The following FAAP20 variants were observed in gnomAD, a reference collection of about 807,000 sequenced individuals.
FAAP20 encodes FA core complex associated protein 20.
A neutral mutation model predicts 16.2 loss-of-function variants in FAAP20; 12 were observed. That is an observed-to-expected ratio of 0.74 (90% CI 0.48 to 1.20). FAAP20 has a LOEUF of 1.20. Among genes scored for constraint, FAAP20 ranks in the 50% most tolerant of loss-of-function variants. FAAP20 has a pLI of 0.00. For missense variants in FAAP20, 288 were observed against 245.8 expected, an observed-to-expected ratio of 1.17 and a Z score of -1.15; for synonymous variants, 141 against 110.7, an observed-to-expected ratio of 1.27 and a Z score of -1.72.
downstream of FAAP20, chr1:2,184,798 C>T (rs1687315960): frequency 1.4e-6 from 2 of 1,391,784 alleles, no homozygotes; most frequent in Admixed American, 2.0e-5. Flanking sequence ...CCTTGAGTCC[C>T]ACCCGCCTGG....
chr1:2,184,717 G>A (rs775528318), downstream of FAAP20: 42 of 1,602,662 alleles, frequency 2.6e-5, no homozygotes, highest in East Asian at 6.3e-4. Flanking sequence ...CACTGGGTGC[G>A]GGTCCCTGGA....
At chr1:2,184,714 T>C (rs776200970), downstream of FAAP20, 7 of 1,605,800 alleles carry the variant, frequency 4.4e-6, no homozygotes, top group African/African-American at 5.4e-5. Flanking sequence ...TCCCACTGGG[T>C]GCGGGTCCCT....
upstream of FAAP20, chr1:2,212,688 C>T (rs752342375): frequency 2.1e-5 from 6 of 288,956 alleles, no homozygotes; most frequent in South Asian, 8.8e-5. Flanking sequence ...GTTCCAAGAA[C>T]GCGAGTCTCT....
upstream of FAAP20, chr1:2,201,372 C>T (rs375107829): frequency 3.6e-4 from 179 of 500,704 alleles, no homozygotes; most frequent in African/African-American, 3.5e-3. Context: ...AAGAAGGCAC[C>T]GCCGGGGGCT....
Position 2,193,718 on chromosome 1 carries a change from TG to T in FAAP20, c.390del (p.Arg131GlyfsTer28). The T allele has an allele frequency of 1.3e-6, 2 of 1,592,118 alleles. No individual in the cohort carries two copies. Among genetic ancestry groups the T allele is most frequent in the Admixed American group, 1.9e-5 (1 of 52,996 alleles). ...QRPAPDPCRA[P>X]RVEQQPSVEG... is the part of the protein sequence containing the mutation. ...TCCACAGACGGCTGCTGCTCCACCC[TG>T]GGGGCCCTGCAGGGATCAGGTGCCG... On this transcript the variant is annotated frameshift_variant, in exon 3 of 4. Coordinates refer to ENST00000378546, the MANE Select transcript of FAAP20 (RefSeq NM_182533.4). LOFTEE classifies it high-confidence loss of function.
upstream of FAAP20, among the ~76,000 whole-genome samples, chr1:2,196,659 C>T (rs1036915241): frequency 1.3e-5 from 2 of 151,930 alleles, no homozygotes; most frequent in African/African-American, 2.4e-5. The surrounding 1 kb of genome is among the most constrained non-coding windows in gnomAD (Gnocchi z 4.5). Flanking sequence ...GGCCAACATG[C>T]AGAAACCCCA....
chr1:2,191,855 C>T (rs1688267780), intron 3 of FAAP20: 2 of 985,438 alleles, frequency 2.0e-6, no homozygotes, highest in African/African-American at 3.5e-5. Flanking sequence ...GCTTCCCATC[C>T]ACCCACGTGA....
chr1:2,199,254 C>T (rs534611340), upstream of FAAP20: 5 of 1,126,358 alleles, frequency 4.4e-6, no homozygotes, highest in Admixed American at 4.6e-5. The surrounding 1 kb of genome is among the most constrained non-coding windows in gnomAD (Gnocchi z 4.5). Context: ...CAAGCAGTAT[C>T]CGGTTCACAC....
At chr1:2,192,413 C>T in intron 3 of FAAP20, 1 of 996,648 alleles carries the variant, frequency 1.0e-6, no homozygotes, top group South Asian at 4.4e-5. Context: ...GCCAAGCTTT[C>T]AGCAACTGCT....
chr1:2,190,321 G>C, intron 3 of FAAP20: 1 of 456,424 alleles, frequency 2.2e-6, no homozygotes, highest in Non-Finnish European at 4.4e-6. Flanking sequence ...TGCCACTCTG[G>C]GAGGCCCCAC....
downstream of FAAP20, among the ~76,000 whole-genome samples, chr1:2,186,500 C>CA (rs1237756628): frequency 2.2e-3 from 323 of 149,274 alleles, 15 homozygotes; most frequent in South Asian, 7.1e-3. Flanking sequence ...ACACCCGCCC[C>CA]CCCCCGGCCA....
downstream of FAAP20, chr1:2,185,037 G>A (rs367865287): frequency 2.5e-5 from 39 of 1,576,612 alleles, no homozygotes; most frequent in East Asian, 1.1e-4. Context: ...TCGTGGACAC[G>A]CGTGATTGAC....
At position 2,193,678 on chromosome 1, in the gene FAAP20, A is replaced by C. The variant is rs762414864; in HGVS notation, c.431T>G (p.Leu144Arg). Residue 144 changes from leucine (L) to arginine (R), a missense_variant, in exon 3 of 4, where the codon CTG becomes CGG. Physicochemically the swap from Leu to Arg is moderately radical, Grantham distance 102. Transcript: ENST00000378546. The part of the protein sequence containing the change: ...QQPSVEGAAA[L>R]RSCPMCQKEF... ...CTTCTGGCACATGGGGCAGCTGCGC[A>C]GGGCCGCGGCACCCTCCACAGACGG... 1 of 1,600,490 alleles carries C rather than the reference A, an allele frequency of 6.2e-7. No individual in the cohort carries two copies. Among genetic ancestry groups the C allele is most frequent in the Non-Finnish European group, 8.5e-7 (1 of 1,176,182 alleles).
chr1:2,210,332 C>T (rs555682044), downstream of FAAP20, among the ~76,000 whole-genome samples: 9 of 152,360 alleles, frequency 5.9e-5, no homozygotes, highest in South Asian at 4.1e-4. Context: ...TCCTCTTTTC[C>T]CATCCGGGTG....
chr1:2,200,850 C>G (rs1212660408), upstream of FAAP20: 1 of 1,062,368 alleles, frequency 9.4e-7, no homozygotes, highest in Non-Finnish European at 1.1e-6. Context: ...TCCAAGTGGG[C>G]CAGGAAACCT....
At chr1:2,195,696 G>A (rs1688789062), upstream of FAAP20, among the ~76,000 whole-genome samples, 1 of 152,202 alleles carries the variant, frequency 6.6e-6, no homozygotes, top group South Asian at 2.1e-4. Flanking sequence ...CAGCTGTGGA[G>A]CCCGGCCCTG....
downstream of FAAP20, chr1:2,185,261 C>A (rs948339862): frequency 1.4e-6 from 1 of 714,966 alleles, no homozygotes; most frequent in South Asian, 1.5e-5. Flanking sequence ...TCCGCGGGGA[C>A]CCTGCCGAGG....
intron 3 of FAAP20, chr1:2,190,354 G>GGGCGCT (rs1308661699): frequency 2.9e-5 from 13 of 454,954 alleles, no homozygotes; most frequent in South Asian, 7.8e-5. Flanking sequence ...CCTCTCAGGA[G>GGGCGCT]GGCGCTGGCG....
chr1:2,184,611 T>A (rs1273076106), downstream of FAAP20: 1 of 1,613,810 alleles, frequency 6.2e-7, no homozygotes, highest in Non-Finnish European at 8.5e-7. Context: ...CTCCCTCCAT[T>A]CCAGCCACAG....
Sources: gnomAD v4.1 joint callset for allele counts (sites outside exome capture counted in the v4.1 genomes callset) on GRCh38, gnomAD v4.1.1 for gene constraint, Gnocchi (gnomAD v3.1) non-coding constraint, MANE v1.5 for transcripts, NCBI Gene and HGNC (gene_info 2026-07-23, HGNC 2026-07-21) for gene names.